The following ZNG1E variants were observed in gnomAD, a reference collection of about 807,000 sequenced individuals.
ZNG1E encodes Zn regulated GTPase metalloprotein activator 1E, also known as zinc-regulated GTPase metalloprotein activator 1E.
At chr9:65,658,170 T>A in the ZNG1E span, among the ~76,000 whole-genome samples, 6 of 151,236 alleles carry the variant, frequency 4.0e-5, no homozygotes. Flanking sequence ...AAGTAAAAAG[T>A]AAAAAGTTTC....
the ZNG1E span, among the ~76,000 whole-genome samples, chr9:65,705,418 G>A: frequency 6.6e-6 from 1 of 151,820 alleles, no homozygotes; most frequent in African/African-American, 2.4e-5. Flanking sequence ...TCAGTCATTG[G>A]GGGGAAACAG....
the ZNG1E span, among the ~76,000 whole-genome samples, chr9:65,716,388 GC>G: frequency 2.6e-5 from 4 of 151,630 alleles, no homozygotes; most frequent in African/African-American, 9.7e-5. Flanking sequence ...AAACTCCTGG[GC>G]TCAAGTGATC....
the ZNG1E span, among the ~76,000 whole-genome samples, chr9:65,659,484 G>A: frequency 7.3e-6 from 1 of 136,496 alleles, no homozygotes; most frequent in Non-Finnish European, 1.5e-5. Context: ...GACAGAATGA[G>A]ACTCCGTCTC....
At chr9:65,693,958 T>C in the ZNG1E span, among the ~76,000 whole-genome samples, 1 of 150,476 alleles carries the variant, frequency 6.6e-6, no homozygotes, top group East Asian at 1.9e-4. Context: ...TACCAATACC[T>C]CTTCACTGGG....
At chr9:65,665,106 T>C in the ZNG1E span, among the ~76,000 whole-genome samples, 1 of 152,264 alleles carries the variant, frequency 6.6e-6, no homozygotes, top group Non-Finnish European at 1.5e-5. Flanking sequence ...AATCCCATTT[T>C]CTGAGGAGAA....
At chr9:65,680,848 G>A in the ZNG1E span, among the ~76,000 whole-genome samples, 4 of 152,080 alleles carry the variant, frequency 2.6e-5, no homozygotes, top group African/African-American at 7.2e-5. Context: ...GAGTGCAGTG[G>A]CACAGTCTCG....
chr9:65,660,896 A>C, the ZNG1E span, among the ~76,000 whole-genome samples: 1 of 145,906 alleles, frequency 6.9e-6, no homozygotes, highest in Non-Finnish European at 1.5e-5. Context: ...AAACAAACTC[A>C]AGTGTCCAAC....
the ZNG1E span, among the ~76,000 whole-genome samples, chr9:65,679,770 G>A: frequency 6.6e-6 from 1 of 152,196 alleles, no homozygotes; most frequent in African/African-American, 2.4e-5. Flanking sequence ...GGCCAGGATG[G>A]TCTTGAGCTC....
At chr9:65,661,908 A>G in the ZNG1E span, among the ~76,000 whole-genome samples, 113 of 152,334 alleles carry the variant, frequency 7.4e-4, no homozygotes, top group African/African-American at 2.5e-3. Flanking sequence ...TTGTGCTTTA[A>G]TAAAGCTGTA....
chr9:65,713,557 AC>A, the ZNG1E span, among the ~76,000 whole-genome samples: 1 of 151,720 alleles, frequency 6.6e-6, no homozygotes, highest in African/African-American at 2.4e-5. Context: ...CCTGGTGGTG[AC>A]AAAATCTCTC....
chr9:65,659,340 CA>C, the ZNG1E span, among the ~76,000 whole-genome samples: 1 of 149,890 alleles, frequency 6.7e-6, no homozygotes, highest in African/African-American at 2.5e-5. Flanking sequence ...ACTAAAAATA[CA>C]AAAATTAGCC....
the ZNG1E span, among the ~76,000 whole-genome samples, chr9:65,663,966 T>G: frequency 1.3e-5 from 2 of 149,354 alleles, no homozygotes; most frequent in Non-Finnish European, 3.0e-5. Flanking sequence ...AGCATACATA[T>G]ATATATATGT....
chr9:65,666,092 A>G, the ZNG1E span, among the ~76,000 whole-genome samples: 1,440 of 122,002 alleles, frequency 0.012, no homozygotes, highest in African/African-American at 0.027. Context: ...GAAATGAATT[A>G]AGACTTTGGG....
At chr9:65,657,492 C>G in the ZNG1E span, among the ~76,000 whole-genome samples, 1 of 152,284 alleles carries the variant, frequency 6.6e-6, no homozygotes, top group Non-Finnish European at 1.5e-5. Context: ...TTCACATGTT[C>G]TCACTCATTT....
At chr9:65,658,685 C>T in the ZNG1E span, among the ~76,000 whole-genome samples, 1 of 148,066 alleles carries the variant, frequency 6.8e-6, no homozygotes, top group Non-Finnish European at 1.5e-5. Context: ...TAACAAAACA[C>T]CACAGACTGG....
chr9:65,657,837 A>G, the ZNG1E span, among the ~76,000 whole-genome samples: 1 of 152,294 alleles, frequency 6.6e-6, no homozygotes, highest in Non-Finnish European at 1.5e-5. Flanking sequence ...CACATGGCTC[A>G]TGCCTGTAAT....
chr9:65,659,494 CAAA>C, the ZNG1E span, among the ~76,000 whole-genome samples: 110 of 113,900 alleles, frequency 9.7e-4, no homozygotes, highest in African/African-American at 2.6e-3. Context: ...GACTCCGTCT[CAAA>C]AAAAAAAAAA....
At chr9:65,672,208 G>A in the ZNG1E span, among the ~76,000 whole-genome samples, 1 of 151,198 alleles carries the variant, frequency 6.6e-6, no homozygotes, top group South Asian at 2.1e-4. Context: ...ATGGGATAAT[G>A]CATTTAATGT....
the ZNG1E span, among the ~76,000 whole-genome samples, chr9:65,659,223 C>G: frequency 6.6e-6 from 1 of 151,932 alleles, no homozygotes; most frequent in South Asian, 2.1e-4. Context: ...AGAGGCCAGG[C>G]ATGGTGGCTC....
Sources: gnomAD v4.1 joint callset for allele counts (sites outside exome capture counted in the v4.1 genomes callset) on GRCh38, gnomAD v4.1.1 for gene constraint, MANE v1.5 for transcripts, NCBI Gene and HGNC (gene_info 2026-07-23, HGNC 2026-07-21) for gene names.